APC: variants seen among roughly 807,000 people sequenced by gnomAD.
APC encodes the protein adenomatous polyposis coli protein.
Under a neutral mutation model 247.0 loss-of-function variants are expected in APC, and 72 were observed. The observed-to-expected ratio is 0.29, with a 90% CI of 0.24 to 0.35. The LOEUF (loss-of-function observed/expected upper bound fraction) is 0.35. Ranked by LOEUF, APC falls within the 10% of genes least tolerant of loss-of-function variation. The pLI, the probability that APC is intolerant of heterozygous loss-of-function variation, is 1.00. For synonymous variants in APC, 1,254 were observed against 1,162.5 expected, an observed-to-expected ratio of 1.08 and a Z score of -1.60; for missense variants, 3,400 against 3,360.7, an observed-to-expected ratio of 1.01 and a Z score of -0.29.
Position 112,821,907 on chromosome 5 carries a change from G to A in APC, c.1324G>A (p.Val442Ile). 1 of 1,612,796 alleles carries A rather than the reference G, an allele frequency of 6.2e-7. No homozygotes were observed. Among genetic ancestry groups the A allele is most frequent in the Non-Finnish European group, 8.5e-7 (1 of 1,179,188 alleles). ...DQDKNPMPAP[V>I]EHQICPAVCV... The stretch of plus-strand genomic sequence containing the variant: ...ATTTTATTTTTCAGTGCCAGCTCCT[G>A]TTGAACATCAGATCTGTCCTGCTGT... Residue 442 changes from valine to isoleucine, a missense_variant, in exon 11 of 16, where the codon GTT (valine) becomes ATT (isoleucine). By Grantham distance (29) the Val-to-Ile change is conservative. Transcript: ENST00000257430.
rs1324082067 is a variant in APC at position 112,843,005 on chromosome 5, C to A, written c.7411C>A (p.Pro2471Thr). ...SFESLSPSSR[P>T]ASPTRSQAQT... ...TGAATCTCTTTCTCCATCATCTAGA[C>A]CAGCTTCTCCCACTAGGTCCCAGGC... Residue 2471 changes from proline to threonine, a missense_variant, in exon 16 of 16, where the codon CCA becomes ACA. Transcript: ENST00000257430. The surrounding 1 kb of genome is among the most constrained non-coding windows in gnomAD (Gnocchi z 4.8). 6.2e-7 allele frequency: 1 copy of A among 1,613,976 alleles called. No homozygotes were observed.
intron 4 of APC, among the ~76,000 whole-genome samples, chr5:112,767,632 T>C (rs192998986): frequency 6.6e-6 from 1 of 152,182 alleles, no homozygotes; most frequent in East Asian, 1.9e-4. Flanking sequence ...TTTTGTTTGT[T>C]TTTTGGGGTT....
At position 112,749,502 on chromosome 5, in the gene APC, TGA is replaced by T. The variant is rs1210077476; in HGVS notation, c.-18-5370_-18-5369del. On this transcript the variant is annotated intron_variant, in intron 1 of 15. Coordinates refer to ENST00000257430, the MANE Select transcript of APC (RefSeq NM_000038.6). ...CAATTTTTTTTTTTTTTTTTTTTTTTGATATGGAGTCTTGCTCTGTCACCCAG... is the reference window on the plus strand; with the variant it reads ...CAATTTTTTTTTTTTTTTTTTTTTTTTATGGAGTCTTGCTCTGTCACCCAG... 4.1e-3 allele frequency among the ~76,000 whole-genome samples: 597 copies of T among 146,192 alleles called. 4 individuals are homozygous for T. Among genetic ancestry groups the T allele is most frequent in the African/African-American group, 0.012 (458 of 38,374 alleles).
intron 6 of APC, among the ~76,000 whole-genome samples, chr5:112,790,340 T>C (rs1406851505): frequency 6.6e-6 from 1 of 152,004 alleles, no homozygotes; most frequent in Non-Finnish European, 1.5e-5. Flanking sequence ...TTTTTGTTTT[T>C]GTTTTGAGAC....
chr5:112,796,808 C>T (rs969479328), intron 7 of APC, among the ~76,000 whole-genome samples: 26 of 151,848 alleles, frequency 1.7e-4, no homozygotes, highest in Non-Finnish European at 3.2e-4. Flanking sequence ...AATTGAATAG[C>T]TTTAGTTACA....
chr5:112,719,275 TG>T (rs1252627654), intron 1 of APC, among the ~76,000 whole-genome samples: 1 of 152,210 alleles, frequency 6.6e-6, no homozygotes, highest in African/African-American at 2.4e-5. Context: ...TGGAGTACAG[TG>T]GCACAATCTT....
In APC at chr5:112,808,714, A is replaced by C. The variant is rs112571494; in HGVS notation, c.835-6781A>C. ...TTTGAGCCATCATGCCTGGCTTCCA[A>C]ATGTTTTTTTTATAGAGTGTCCCAT... On this transcript the variant is annotated intron_variant, in intron 8 of 15. Transcript: ENST00000257430. Among the ~76,000 whole-genome samples the C allele has an allele frequency of 7.6e-3, 1,150 of 152,074 alleles. 13 individuals carry two copies. Among genetic ancestry groups the C allele is most frequent in the African/African-American group, 0.026 (1,074 of 41,466 alleles).
In APC at chr5:112,755,033, G is replaced by A. The variant is rs1554067166; in HGVS notation, c.135+8G>A. ...GAGGCATCTAATATGAAGGTATCAA[G>A]ACTGTGACTTTTAATTGTAGTTTAT... On this transcript the variant is annotated splice_region_variant and intron_variant, in intron 2 of 15. Coordinates refer to ENST00000257430, the MANE Select transcript of APC (RefSeq NM_000038.6). 6.2e-7 allele frequency: 1 copy of A among 1,613,248 alleles called. No individual in the cohort carries two copies. The highest frequency in any genetic ancestry group is 1.3e-5 in the African/African-American group (1 of 75,020).
chr5:112,729,447 A>C (rs1751979233), intron 1 of APC, among the ~76,000 whole-genome samples: 2 of 152,228 alleles, frequency 1.3e-5, no homozygotes, highest in African/African-American at 4.8e-5. Flanking sequence ...AACCTGAATG[A>C]CATGAAGGAC....
intron 1 of APC, chr5:112,738,468 A>G: frequency 1.0e-6 from 1 of 985,918 alleles, no homozygotes; most frequent in African/African-American, 1.7e-5. Context: ...CAGGTACTGC[A>G]GAGCGTGAGT....
upstream of APC, among the ~76,000 whole-genome samples, chr5:112,735,552 T>C (rs746114621): frequency 1.3e-4 from 19 of 151,514 alleles, no homozygotes; most frequent in Non-Finnish European, 2.4e-4. Flanking sequence ...TTCAATCAAA[T>C]AGAGATGGCA....
At chr5:112,731,882 A>G (rs1365839690) in intron 1 of APC, among the ~76,000 whole-genome samples, 1 of 152,028 alleles carries the variant, frequency 6.6e-6, no homozygotes, top group South Asian at 2.1e-4. Context: ...GTGCCTCAGC[A>G]TCCCGAGTAT....
At chr5:112,824,123 C>T (rs1011257141) in intron 11 of APC, among the ~76,000 whole-genome samples, 2 of 152,140 alleles carry the variant, frequency 1.3e-5, no homozygotes. Context: ...TTGAATGTCA[C>T]CTGAGTCTGT....
rs544709767 is a variant in APC at position 112,838,413 on chromosome 5, C to T, written c.2819C>T (p.Ser940Leu). ...TCAAACACTTACAATTTCACTAAGT[C>T]GGAAAATTCAAATAGGACATGTTCT... The part of the protein sequence containing the change: ...THSNTYNFTK[S>L]ENSNRTCSMP... The change falls in exon 16 of 16, where the codon TCG becomes TTG. Residue 940 changes from serine to leucine, a missense_variant. Around this residue, in one of 9 missense-constraint regions of APC, gnomAD observed 715 missense variants for 656.6 expected, o/e 1.09. Coordinates refer to ENST00000257430, the MANE Select transcript of APC (RefSeq NM_000038.6). 6.2e-6 allele frequency: 10 copies of T among 1,614,086 alleles called. No individual in the cohort carries two copies. The highest frequency in any genetic ancestry group is 1.1e-5 in the South Asian group (1 of 91,062).
rs1322051434 is a variant in APC, at chr5:112,838,427, A to T, written c.2833A>T (p.Arg945Trp). Reference protein sequence around the residue: ...YNFTKSENSNRTCSMPYAKLE... With the variant: ...YNFTKSENSNWTCSMPYAKLE... Reference sequence around the variant, plus strand: ...TTTCACTAAGTCGGAAAATTCAAATAGGACATGTTCTATGCCTTATGCCAA... The same window carrying T: ...TTTCACTAAGTCGGAAAATTCAAATTGGACATGTTCTATGCCTTATGCCAA... Residue 945 changes from arginine (R) to tryptophan (W), a missense_variant, in exon 16 of 16, where the codon AGG becomes TGG. By Grantham distance (101) the Arg-to-Trp change is moderately radical. Around this residue, in one of 9 missense-constraint regions of APC, gnomAD observed 715 missense variants for 656.6 expected, o/e 1.09. Transcript: ENST00000257430. The T allele has an allele frequency of 6.2e-7, 1 of 1,614,116 alleles. No individual in the cohort carries two copies. The highest frequency in any genetic ancestry group is 2.2e-5 in the East Asian group (1 of 44,894).
At chr5:112,823,288 G>A (rs1423776160) in intron 11 of APC, 2 of 152,604 alleles carry the variant, frequency 1.3e-5, no homozygotes, top group African/African-American at 4.8e-5. Flanking sequence ...CTCAGTATTT[G>A]TTCCTCTTCC....
chr5:112,818,254 C>T (rs1020477032), intron 9 of APC, among the ~76,000 whole-genome samples: 6 of 152,098 alleles, frequency 3.9e-5, no homozygotes, highest in African/African-American at 1.4e-4. Context: ...GGACCATGGC[C>T]CAGGATAACT....
rs748994938 is a variant in APC at position 112,844,168 on chromosome 5, C to A, written c.*42C>A. The A allele has an allele frequency of 3.3e-6, 5 of 1,525,102 alleles. No individual in the cohort carries two copies. The highest frequency in any genetic ancestry group is 4.5e-6 in the Non-Finnish European group (5 of 1,103,194). 94.5% of individuals were successfully genotyped at this position (1,525,102 alleles called of 1,614,324 possible). On this transcript the variant is annotated 3_prime_UTR_variant, in exon 16 of 16. Transcript: ENST00000257430. ...AACTAAGAAAATTCTATGTTAATTA[C>A]AACTGCTATATAGACATTTTGTTTC...
chr5:112,745,280 A>G (rs1753518882), intron 1 of APC, among the ~76,000 whole-genome samples: 1 of 152,102 alleles, frequency 6.6e-6, no homozygotes, highest in African/African-American at 2.4e-5. Flanking sequence ...CAATGTATCA[A>G]TGACAATAAA....
Sources: gnomAD v4.1 joint callset for allele counts (sites outside exome capture counted in the v4.1 genomes callset) on GRCh38, gnomAD v4.1.1 for gene constraint, gnomAD v4.1.1 regional missense constraint, Gnocchi (gnomAD v3.1) non-coding constraint, MANE v1.5 for transcripts, NCBI Gene and HGNC (gene_info 2026-07-23, HGNC 2026-07-21) for gene names.